The following CSMD1 variants were observed in gnomAD, a reference collection of about 807,000 sequenced individuals.
The protein encoded by CSMD1 is CUB and sushi domain-containing protein 1.
CSMD1 carries 213 observed loss-of-function variants against 417.5 expected under a neutral mutation model. The observed-to-expected ratio is 0.51, with a 90% CI of 0.46 to 0.57. CSMD1 has a LOEUF of 0.57. Ranked by LOEUF, CSMD1 falls within the 20% of genes least tolerant of loss-of-function variation. The pLI is 0.00. For missense variants in CSMD1, 6,923 were observed against 4,529.7 expected (o/e 1.53, Z -15.17); for synonymous variants, 2,862 against 1,736.8 (o/e 1.65, Z -16.11).
intron 2 of CSMD1, among the ~76,000 whole-genome samples, chr8:4,626,971 T>C (rs1802154359): frequency 6.6e-6 from 1 of 152,166 alleles, no homozygotes; most frequent in Admixed American, 6.6e-5. Context: ...CGTAAGTAGG[T>C]GAGTGTATTT....
chr8:3,663,734 T>G (rs1157775002), intron 7 of CSMD1, among the ~76,000 whole-genome samples: 1 of 152,186 alleles, frequency 6.6e-6, no homozygotes, highest in Non-Finnish European at 1.5e-5. Flanking sequence ...CTTTGAGTTG[T>G]CCTGCCTTTC....
At chr8:4,925,226 T>G (rs1806776161) in intron 1 of CSMD1, among the ~76,000 whole-genome samples, 1 of 138,000 alleles carries the variant, frequency 7.2e-6, no homozygotes, top group South Asian at 2.5e-4. Flanking sequence ...TTTTTTTTTT[T>G]TTTTTTTTTT....
At chr8:4,408,156 G>C (rs543347370) in intron 3 of CSMD1, among the ~76,000 whole-genome samples, 31 of 152,292 alleles carry the variant, frequency 2.0e-4, no homozygotes, top group African/African-American at 7.0e-4. Context: ...TGATTTAAAT[G>C]ACTACCAAAG....
chr8:3,396,797 C>T (rs1361673575), intron 16 of CSMD1, among the ~76,000 whole-genome samples: 1 of 151,898 alleles, frequency 6.6e-6, no homozygotes, highest in Non-Finnish European at 1.5e-5. Flanking sequence ...TTATAGACAT[C>T]TTAAAATGGG....
intron 3 of CSMD1, among the ~76,000 whole-genome samples, chr8:4,397,014 A>G (rs963814234): frequency 6.6e-6 from 1 of 151,406 alleles, no homozygotes; most frequent in Non-Finnish European, 1.5e-5. Context: ...TCTGTTCCCT[A>G]AAAATCTAAT....
chr8:4,442,093 C>G (rs150261814), intron 2 of CSMD1, among the ~76,000 whole-genome samples: 368 of 152,200 alleles, frequency 2.4e-3, no homozygotes, highest in African/African-American at 8.3e-3. Flanking sequence ...TGTAGAAACA[C>G]GTGACGAAAT....
At chr8:4,121,645 T>A (rs1281698771) in intron 3 of CSMD1, among the ~76,000 whole-genome samples, 1 of 151,258 alleles carries the variant, frequency 6.6e-6, no homozygotes, top group Non-Finnish European at 1.5e-5. Flanking sequence ...GAAGTGGGAA[T>A]TCTTAGGAAA....
intron 2 of CSMD1, among the ~76,000 whole-genome samples, chr8:4,588,652 G>T (rs1028187834): frequency 6.6e-6 from 1 of 151,914 alleles, no homozygotes; most frequent in African/African-American, 2.4e-5. Context: ...GGGCGTGGTG[G>T]CGGGCGCCTT....
At chr8:4,702,717 A>G (rs1287689491) in intron 1 of CSMD1, among the ~76,000 whole-genome samples, 3 of 152,132 alleles carry the variant, frequency 2.0e-5, no homozygotes, top group Non-Finnish European at 4.4e-5. Flanking sequence ...CAAAAATTCT[A>G]CCGTGTAGAG....
chr8:3,511,894 TAG>T (rs1170976260), intron 10 of CSMD1, among the ~76,000 whole-genome samples: 1 of 133,748 alleles, frequency 7.5e-6, no homozygotes, highest in Non-Finnish European at 1.6e-5. Flanking sequence ...GCGTTTTTGT[TAG>T]AAAGTCAAAT....
intron 2 of CSMD1, among the ~76,000 whole-genome samples, chr8:4,607,122 T>A (rs1416778919): frequency 6.6e-6 from 1 of 151,790 alleles, no homozygotes; most frequent in Non-Finnish European, 1.5e-5. Flanking sequence ...TTTGGAGCAC[T>A]TTTTTTTACC....
intron 3 of CSMD1, among the ~76,000 whole-genome samples, chr8:4,050,375 T>C (rs908444267): frequency 6.6e-6 from 1 of 152,210 alleles, no homozygotes; most frequent in Admixed American, 6.5e-5. Context: ...GCAGAGAATC[T>C]ACAAACTTTT....
intron 26 of CSMD1, among the ~76,000 whole-genome samples, chr8:3,253,652 G>C (rs1032763046): frequency 1.3e-5 from 2 of 152,102 alleles, no homozygotes; most frequent in Non-Finnish European, 2.9e-5. Context: ...CATTATTATT[G>C]TGTGGGAGTC....
intron 3 of CSMD1, among the ~76,000 whole-genome samples, chr8:4,301,607 G>T (rs1248963531): frequency 1.3e-5 from 2 of 152,202 alleles, no homozygotes; most frequent in African/African-American, 2.4e-5. Flanking sequence ...TGTATAAGCT[G>T]AACCAGTCAT....
intron 33 of CSMD1, among the ~76,000 whole-genome samples, chr8:3,192,451 C>T (rs1010560882): frequency 6.6e-6 from 1 of 152,150 alleles, no homozygotes; most frequent in Non-Finnish European, 1.5e-5. Context: ...TCTACACGTG[C>T]TTTATCCTTG....
intron 2 of CSMD1, among the ~76,000 whole-genome samples, chr8:4,446,311 C>T (rs1438260923): frequency 6.6e-6 from 1 of 152,114 alleles, no homozygotes; most frequent in Non-Finnish European, 1.5e-5. Context: ...TCTTTGGGAG[C>T]CCAGCATGGG....
At position 3,829,930 on chromosome 8, in the gene CSMD1, G is replaced by GA. The variant is rs201212857; in HGVS notation, c.819-75889dup. Among the ~76,000 whole-genome samples, 10 of 151,542 alleles carry GA rather than the reference G, an allele frequency of 6.6e-5. No individual in the cohort carries two copies. In the East Asian group the frequency reaches 9.7e-4, roughly 15 times the overall value. The stretch of plus-strand genomic sequence containing the variant: ...GGGAAAATGAAGGCTTTTCTCCTTT[G>GA]AAAAAAAACTGATTTCAAGGAAAAT... On this transcript the variant is annotated intron_variant, in intron 5 of 69. Transcript: ENST00000635120.
At chr8:3,990,332 C>T (rs571620820) in intron 5 of CSMD1, among the ~76,000 whole-genome samples, 1 of 152,118 alleles carries the variant, frequency 6.6e-6, no homozygotes, top group African/African-American at 2.4e-5. Context: ...TTGGAGAAAT[C>T]TGACATGAGA....
At chr8:3,284,438 C>G in intron 25 of CSMD1, 92 bp from the exon 26 acceptor site, 1 of 886,240 alleles carries the variant, frequency 1.1e-6, no homozygotes, top group Non-Finnish European at 1.8e-6. Context: ...TTCGCTTTCA[C>G]ACAACCCCCA....
Sources: allele counts gnomAD v4.1 joint callset (sites outside exome capture counted in the v4.1 genomes callset), GRCh38; gene constraint gnomAD v4.1.1; transcripts MANE v1.5; gene names NCBI Gene and HGNC (gene_info 2026-07-23, HGNC 2026-07-21).